The following PTPRG variants were observed in gnomAD, a reference collection of about 807,000 sequenced individuals.
PTPRG encodes protein tyrosine phosphatase receptor type G.
A neutral mutation model predicts 165.3 loss-of-function variants in PTPRG; 102 were observed. That is an observed-to-expected ratio of 0.62 (90% CI 0.53 to 0.73). The LOEUF (loss-of-function observed/expected upper bound fraction) is 0.73. Among genes scored for constraint, PTPRG ranks in the 30% least tolerant of loss-of-function variants. The pLI, the probability that PTPRG is intolerant of heterozygous loss-of-function variation, is 0.00. For synonymous variants in PTPRG, 675 were observed against 669.5 expected (o/e 1.01, Z -0.13); for missense variants, 1,866 against 1,861.4 (o/e 1.00, Z -0.05).
At chr3:61,730,272 A>C (rs1352743970) in intron 1 of PTPRG, among the ~76,000 whole-genome samples, 6 of 152,176 alleles carry the variant, frequency 3.9e-5, no homozygotes, top group Admixed American at 1.3e-4. Flanking sequence ...GTCATTAGCC[A>C]TGCAGACCTT....
intron 7 of PTPRG, among the ~76,000 whole-genome samples, chr3:62,166,101 C>T (rs1368421504): frequency 6.6e-6 from 1 of 151,660 alleles, no homozygotes; most frequent in African/African-American, 2.4e-5. Flanking sequence ...ACCAGAGGAT[C>T]CAGATGGGCC....
At chr3:61,813,543 CTGTGTG>C (rs58097355) in intron 2 of PTPRG, among the ~76,000 whole-genome samples, 8,413 of 116,806 alleles carry the variant, frequency 0.072, 548 homozygotes, top group East Asian at 0.32. Context: ...AAAAGAAAAT[CTGTGTG>C]TGTGTGTGTG....
At chr3:62,289,149 C>T (rs143424532) in intron 28 of PTPRG, among the ~76,000 whole-genome samples, 1 of 152,266 alleles carries the variant, frequency 6.6e-6, no homozygotes, top group East Asian at 1.9e-4. Context: ...GTTACTTCAC[C>T]TGAATGTGCC....
At chr3:61,677,244 C>CAAAAAAA (rs11426161) in intron 1 of PTPRG, among the ~76,000 whole-genome samples, 11 of 71,562 alleles carry the variant, frequency 1.5e-4, no homozygotes, top group African/African-American at 4.6e-4. Flanking sequence ...GACTCCGTCT[C>CAAAAAAA]AAAAAAAAAA....
At chr3:61,874,377 G>A (rs935898154) in intron 2 of PTPRG, among the ~76,000 whole-genome samples, 3 of 152,174 alleles carry the variant, frequency 2.0e-5, no homozygotes, top group Non-Finnish European at 2.9e-5. Flanking sequence ...CTTTTCAGTG[G>A]AGATGATAAA....
At chr3:62,084,169 A>G (rs903761023) in intron 5 of PTPRG, among the ~76,000 whole-genome samples, 1 of 152,184 alleles carries the variant, frequency 6.6e-6, no homozygotes, top group Non-Finnish European at 1.5e-5. Context: ...ATATAAAATG[A>G]TTGTCATGTC....
chr3:61,985,011 A>T (rs904713548), intron 2 of PTPRG, among the ~76,000 whole-genome samples: 2 of 152,242 alleles, frequency 1.3e-5, no homozygotes, highest in African/African-American at 4.8e-5. Context: ...TTCCTGTCAG[A>T]TGTCCAAGAT....
chr3:62,219,114 C>T lies in PTPRG; in HGVS notation c.2288+131C>T. ...GCTTAAGTGTTTCTGGTCTTGCCAC[C>T]CGGAAGGCCATCTTGTCTCTGTTAG... On this transcript the variant is annotated intron_variant, in intron 13 of 29. Coordinates refer to ENST00000474889, the MANE Select transcript of PTPRG (RefSeq NM_002841.4). The surrounding 1 kb of genome is among the most constrained non-coding windows in gnomAD (Gnocchi z 4.5). The T allele has an allele frequency of 8.0e-7, 1 of 1,248,818 alleles. No individual in the cohort carries two copies. The highest frequency in any genetic ancestry group is 1.1e-6 in the Non-Finnish European group (1 of 904,620). 77.4% of individuals were successfully genotyped at this position (1,248,818 alleles called of 1,614,324 possible). A position where few individuals can be genotyped will look rare whatever the true frequency, so the allele number is the denominator to read the frequency against.
At chr3:62,168,583 G>C (rs181354151) in intron 8 of PTPRG, among the ~76,000 whole-genome samples, 1 of 152,202 alleles carries the variant, frequency 6.6e-6, no homozygotes, top group Non-Finnish European at 1.5e-5. Context: ...TGGCTCATCT[G>C]TTCAGTCACC....
chr3:62,001,592 T>C (rs1263927172), intron 3 of PTPRG, among the ~76,000 whole-genome samples: 2 of 151,412 alleles, frequency 1.3e-5, no homozygotes, highest in African/African-American at 4.8e-5. Context: ...AGATATTTTA[T>C]TATATCTGTA....
intron 17 of PTPRG, among the ~76,000 whole-genome samples, chr3:62,265,896 T>TATACACACACACACACACACAC (rs1553662684): frequency 0.018 from 2,285 of 130,526 alleles, 28 homozygotes; most frequent in Middle Eastern, 0.028. Flanking sequence ...GTGCCTTATA[T>TATACACACACACACACACACAC]ACACACACAC....
intron 1 of PTPRG, among the ~76,000 whole-genome samples, chr3:61,610,181 C>A (rs1026205868): frequency 1.3e-5 from 2 of 151,334 alleles, no homozygotes; most frequent in African/African-American, 4.9e-5. Flanking sequence ...AATTATAGTA[C>A]AACTTTGTAG....
chr3:61,596,201 G>A (rs1700694338), intron 1 of PTPRG, among the ~76,000 whole-genome samples: 3 of 152,104 alleles, frequency 2.0e-5, no homozygotes, highest in Non-Finnish European at 4.4e-5. Context: ...AAATTTTATC[G>A]TTGTCACCCC....
chr3:62,116,133 A>T (rs1003189046), intron 5 of PTPRG, among the ~76,000 whole-genome samples: 2 of 152,182 alleles, frequency 1.3e-5, no homozygotes, highest in Non-Finnish European at 2.9e-5. Flanking sequence ...CAACCAGCTA[A>T]CCAGAGCCCA....
intron 1 of PTPRG, among the ~76,000 whole-genome samples, chr3:61,710,266 T>C (rs1417591838): frequency 6.6e-6 from 1 of 152,234 alleles, no homozygotes; most frequent in Admixed American, 6.5e-5. Flanking sequence ...TAAATGTGGT[T>C]AGATCTATAT....
At chr3:62,232,129 G>A (rs1446650851) in intron 14 of PTPRG, among the ~76,000 whole-genome samples, 2 of 152,102 alleles carry the variant, frequency 1.3e-5, no homozygotes, top group Non-Finnish European at 1.5e-5. Context: ...ATTTTTACAT[G>A]GAATGATTCA....
chr3:61,964,261 A>C (rs961417764), intron 2 of PTPRG, among the ~76,000 whole-genome samples: 1 of 152,234 alleles, frequency 6.6e-6, no homozygotes, highest in African/African-American at 2.4e-5. Flanking sequence ...TATTGGCAGG[A>C]TGGCTTTATA....
At position 61,984,572 on chromosome 3, in the gene PTPRG, C is replaced by G. The variant is rs370970399; in HGVS notation, c.191-5053C>G. 1.9e-4 allele frequency among the ~76,000 whole-genome samples: 29 copies of G among 152,258 alleles called. 3 individuals are homozygous for G. The highest frequency in any genetic ancestry group is 1.6e-3 in the Admixed American group (25 of 15,288). On this transcript the variant is annotated intron_variant, in intron 2 of 29. Coordinates refer to ENST00000474889, the MANE Select transcript of PTPRG (RefSeq NM_002841.4). ...CTTATTTAACACAACTTATATTTTA[C>G]TTGGCTTCTATGCAGTTTGCTCCAT...
chr3:62,277,810 T>C (rs1702282757), intron 26 of PTPRG, 131 bp downstream of exon 26: 2 of 1,121,598 alleles, frequency 1.8e-6, no homozygotes, highest in African/African-American at 1.6e-5. Flanking sequence ...TAAATTCTCA[T>C]CTTGAAGTCT....
Sources: gnomAD v4.1 joint callset for allele counts (sites outside exome capture counted in the v4.1 genomes callset) on GRCh38, gnomAD v4.1.1 for gene constraint, Gnocchi (gnomAD v3.1) non-coding constraint, MANE v1.5 for transcripts, NCBI Gene and HGNC (gene_info 2026-07-23, HGNC 2026-07-21) for gene names.